COX7B2: variants seen among roughly 807,000 people sequenced by gnomAD.
The protein encoded by COX7B2 is cytochrome c oxidase subunit 7B2, also known as cytochrome c oxidase subunit 7B2, mitochondrial.
For missense variants in COX7B2, 109 were observed against 95.9 expected (o/e 1.14, Z -0.57); for synonymous variants, 37 against 32.1 (o/e 1.15, Z -0.51).
At chr4:46,812,270 C>A (rs1164104232) in intron 2 of COX7B2, among the ~76,000 whole-genome samples, 1 of 152,016 alleles carries the variant, frequency 6.6e-6, no homozygotes. Context: ...TAAGCTGAGG[C>A]CTATCTCTCT....
At chr4:46,783,249 G>A (rs532089990) in intron 2 of COX7B2, among the ~76,000 whole-genome samples, 63 of 152,302 alleles carry the variant, frequency 4.1e-4, no homozygotes, top group African/African-American at 1.1e-3. Flanking sequence ...AAACCTTACA[G>A]GCTGGAAAAC....
intron 2 of COX7B2, among the ~76,000 whole-genome samples, chr4:46,790,096 C>T (rs900338383): frequency 9.2e-5 from 14 of 152,000 alleles, no homozygotes; most frequent in African/African-American, 3.1e-4. Context: ...CTATAATTTT[C>T]TATCTGCTAT....
chr4:46,734,914 T>A lies in COX7B2; in HGVS notation c.*33A>T, dbSNP rs754501633. On this transcript the variant is annotated 3_prime_UTR_variant, in exon 3 of 3. Transcript: ENST00000355591. The stretch of plus-strand genomic sequence containing the variant: ...GTGCTTACATGACAAGTTGGTTTTT[T>A]AAACAATTCTGTCATTACAGCAACT... 4.3e-6 allele frequency: 7 copies of A among 1,613,402 alleles called. No homozygotes were observed. The Admixed American group carries it at 1.0e-4, about 23-fold the overall frequency.
chr4:46,804,412 T>C (rs1718861987), intron 2 of COX7B2, among the ~76,000 whole-genome samples: 1 of 152,148 alleles, frequency 6.6e-6, no homozygotes, highest in African/African-American at 2.4e-5. Flanking sequence ...AAAGAGCCGA[T>C]TGGTCTGTTT....
At chr4:46,870,006 A>T (rs552441577) in intron 1 of COX7B2, among the ~76,000 whole-genome samples, 24 of 152,240 alleles carry the variant, frequency 1.6e-4, no homozygotes, top group African/African-American at 3.6e-4. Flanking sequence ...CCTTTCAGAG[A>T]TGCCAGTGAT....
chr4:46,743,160 AC>A (rs1296793520), intron 2 of COX7B2, among the ~76,000 whole-genome samples: 3 of 152,136 alleles, frequency 2.0e-5, no homozygotes, highest in Admixed American at 1.3e-4. Context: ...TCATTATTAA[AC>A]TTCAAGTAGG....
At chr4:46,767,815 C>T (rs1716633568) in intron 2 of COX7B2, among the ~76,000 whole-genome samples, 1 of 152,220 alleles carries the variant, frequency 6.6e-6, no homozygotes, top group African/African-American at 2.4e-5. Flanking sequence ...ACCAAAACTT[C>T]TGATATTCAA....
At chr4:46,787,731 A>G (rs376097026) in intron 2 of COX7B2, among the ~76,000 whole-genome samples, 7 of 152,206 alleles carry the variant, frequency 4.6e-5, no homozygotes, top group Admixed American at 3.9e-4. Context: ...CCTGCTCAGC[A>G]AGACTTATTG....
intron 1 of COX7B2, among the ~76,000 whole-genome samples, chr4:46,852,710 C>A (rs1020218000): frequency 9.2e-5 from 14 of 152,072 alleles, no homozygotes; most frequent in African/African-American, 3.1e-4. Context: ...CAGACCTGGG[C>A]AGAATATGAA....
chr4:46,746,587 A>G (rs1434266920), intron 2 of COX7B2, among the ~76,000 whole-genome samples: 2 of 152,190 alleles, frequency 1.3e-5, no homozygotes, highest in Non-Finnish European at 1.5e-5. Context: ...AGTGGACTAG[A>G]TTTTCTAAAG....
At chr4:46,790,909 C>A (rs184754776) in intron 2 of COX7B2, among the ~76,000 whole-genome samples, 4 of 152,318 alleles carry the variant, frequency 2.6e-5, no homozygotes, top group African/African-American at 9.6e-5. Context: ...TGAAATTTTA[C>A]TGTAAACTTC....
At chr4:46,763,046 AT>A (rs1451248574) in intron 2 of COX7B2, among the ~76,000 whole-genome samples, 5 of 106,680 alleles carry the variant, frequency 4.7e-5, no homozygotes, top group African/African-American at 7.4e-5. Flanking sequence ...TATATTATAT[AT>A]TATAATATGT....
At chr4:46,862,479 T>C (rs1025252481) in intron 1 of COX7B2, among the ~76,000 whole-genome samples, 10 of 152,232 alleles carry the variant, frequency 6.6e-5, no homozygotes, top group African/African-American at 2.4e-4. Context: ...GTGTCTAGCA[T>C]GCTATCAAAT....
chr4:46,790,020 A>G (rs1326297492), intron 2 of COX7B2, among the ~76,000 whole-genome samples: 3 of 152,024 alleles, frequency 2.0e-5, no homozygotes, highest in Non-Finnish European at 2.9e-5. Flanking sequence ...AAAAAACAGC[A>G]AAAACTTGGT....
At chr4:46,781,954 G>C (rs1358973333) in intron 2 of COX7B2, among the ~76,000 whole-genome samples, 1 of 152,260 alleles carries the variant, frequency 6.6e-6, no homozygotes, top group Admixed American at 6.5e-5. Flanking sequence ...CCGCCCGGAG[G>C]GCTCCTGTGC....
rs769780584 is a variant in COX7B2, at chr4:46,734,956, T to C, written c.237A>G (p.Lys79=). Reference sequence around the variant, plus strand: ...ACAGCAACTGTGATGGTTACTGATGTTTCCACTCTTTTGGGGTAACTCTGC... The same window carrying C: ...ACAGCAACTGTGATGGTTACTGATGCTTCCACTCTTTTGGGGTAACTCTGC... ...PVGRVTPKEW[K]HQ The change falls in exon 3 of 3, where the codon AAA becomes AAG. Residue 79 remains lysine (K), a synonymous_variant. Transcript: ENST00000355591. The C allele has an allele frequency of 2.5e-6, 4 of 1,614,042 alleles. No homozygotes were observed. The South Asian group carries it at 3.3e-5, about 13-fold the overall frequency.
At chr4:46,824,237 G>T (rs1714513204) in intron 2 of COX7B2, among the ~76,000 whole-genome samples, 2 of 152,090 alleles carry the variant, frequency 1.3e-5, no homozygotes, top group Admixed American at 1.3e-4. Context: ...TTCTACAGCT[G>T]TACAAAGAAA....
At chr4:46,879,178 A>C (rs1390464404) in intron 1 of COX7B2, among the ~76,000 whole-genome samples, 1 of 151,970 alleles carries the variant, frequency 6.6e-6, no homozygotes, top group African/African-American at 2.4e-5. Flanking sequence ...GACGAAGTAC[A>C]ATGGCATGAT....
rs923289876 is a variant in COX7B2 at position 46,871,905 on chromosome 4, C to A, written c.-104-26891G>T. Among the ~76,000 whole-genome samples the A allele has an allele frequency of 3.3e-5, 5 of 152,218 alleles. No individual in the cohort carries two copies. The East Asian group carries it at 7.7e-4, about 24-fold the overall frequency. ...AAATTATTCCAACTATTGTAGAAAG[C>A]AGTATGGTGATTCCTCAGAGAGCTA... is the stretch of plus-strand genomic sequence containing the variant. On this transcript the variant is annotated intron_variant, in intron 1 of 2. Coordinates refer to ENST00000355591, the MANE Select transcript of COX7B2 (RefSeq NM_130902.3).
Sources: allele counts gnomAD v4.1 joint callset (sites outside exome capture counted in the v4.1 genomes callset), GRCh38; gene constraint gnomAD v4.1.1; transcripts MANE v1.5; gene names NCBI Gene and HGNC (gene_info 2026-07-23, HGNC 2026-07-21).